CACNA1A: variants seen among roughly 807,000 people sequenced by gnomAD.
CACNA1A encodes the protein voltage-dependent P/Q-type calcium channel subunit alpha-1A.
A neutral mutation model predicts 262.4 loss-of-function variants in CACNA1A; 57 were observed. The observed-to-expected ratio is 0.22, with a 90% CI of 0.18 to 0.27. The LOEUF (loss-of-function observed/expected upper bound fraction) is 0.27, where lower values mean the gene tolerates loss of function less well. Ranked by LOEUF, CACNA1A falls within the 10% of genes least tolerant of loss-of-function variation. The pLI, the probability that CACNA1A is intolerant of heterozygous loss-of-function variation, is 1.00. For synonymous variants in CACNA1A, 1,431 were observed against 1,419.3 expected, an observed-to-expected ratio of 1.01 and a Z score of -0.18; for missense variants, 2,526 against 3,562.8, an observed-to-expected ratio of 0.71 and a Z score of 7.41.
chr19:13,300,276 A>G (rs932033756), intron 18 of CACNA1A, among the ~76,000 whole-genome samples: 10 of 152,042 alleles, frequency 6.6e-5, no homozygotes, highest in African/African-American at 2.2e-4. Context: ...TATCTAATTT[A>G]TTGACTCCTT....
At chr19:13,279,752 T>A (rs1013994377) in intron 22 of CACNA1A, among the ~76,000 whole-genome samples, 1 of 143,490 alleles carries the variant, frequency 7.0e-6, no homozygotes, top group African/African-American at 2.6e-5. Flanking sequence ...CCCAAAGTGC[T>A]GGGATTACAG....
intron 3 of CACNA1A, among the ~76,000 whole-genome samples, chr19:13,420,417 T>A (rs1033026202): frequency 6.6e-6 from 1 of 152,044 alleles, no homozygotes; most frequent in Non-Finnish European, 1.5e-5. Context: ...TAATTAAGGA[T>A]CTTGAGGTGA....
In CACNA1A at chr19:13,402,867, C is replaced by T. The variant is rs1568610952; in HGVS notation, c.540-31088G>A. 2.9e-4 allele frequency among the ~76,000 whole-genome samples: 21 copies of T among 72,490 alleles called. No homozygotes were observed. The East Asian group carries it at 4.5e-3, about 16-fold the overall frequency. 47.6% of individuals were successfully genotyped at this position (72,490 alleles called of 152,430 possible). A position where few individuals can be genotyped will look rare whatever the true frequency, so the allele number is the denominator to read the frequency against. ...ATACACATATATATATACACACACA[C>T]ACACACATATATATATATATATATA... On this transcript the variant is annotated intron_variant, in intron 3 of 46. Transcript: ENST00000360228.
chr19:13,451,045 A>C (rs927669167), intron 3 of CACNA1A: 3 of 152,238 alleles, frequency 2.0e-5, no homozygotes, highest in African/African-American at 7.2e-5. Context: ...AAAAGTGCCC[A>C]GTACCATAAT....
At chr19:13,281,767 G>A (rs565318894) in intron 22 of CACNA1A, among the ~76,000 whole-genome samples, 7 of 152,344 alleles carry the variant, frequency 4.6e-5, no homozygotes, top group Non-Finnish European at 8.8e-5. Context: ...GAACGTTATG[G>A]GGCCACAGTG....
chr19:13,413,738 G>A (rs1448667418), intron 3 of CACNA1A, among the ~76,000 whole-genome samples: 3 of 148,478 alleles, frequency 2.0e-5, no homozygotes, highest in Non-Finnish European at 4.4e-5. Context: ...AAAAATTGCC[G>A]GGTGTGGTGC....
At position 13,245,260 on chromosome 19, in the gene CACNA1A, A is replaced by G. The variant is rs1568457229; in HGVS notation, c.4872T>C (p.Tyr1624=). 6.2e-7 allele frequency: 1 copy of G among 1,613,702 alleles called. No individual in the cohort carries two copies. The highest frequency in any genetic ancestry group is 8.5e-7 in the Non-Finnish European group (1 of 1,179,594). The part of the protein sequence containing the change: ...LKVMAFGILN[Y]FRDAWNIFDF... The stretch of plus-strand genomic sequence containing the variant: ...CGAAGATGTTCCAGGCATCGCGGAA[A>G]TAATTCTAGAATGGGGACCCACAAG... The change falls in exon 31 of 47, where the codon TAT becomes TAC. Residue 1624 remains tyrosine, a synonymous_variant. Coordinates refer to ENST00000360228, the MANE Select transcript of CACNA1A (RefSeq NM_001127222.2).
intron 1 of CACNA1A, among the ~76,000 whole-genome samples, chr19:13,494,247 A>AT (rs1341820404): frequency 6.6e-6 from 1 of 152,194 alleles, no homozygotes. Context: ...GTCTTCAGAG[A>AT]TTTTTTTGTG....
intron 17 of CACNA1A, 118 bp from the exon 18 acceptor site, chr19:13,300,774 G>T (rs146432253): frequency 2.0e-5 from 16 of 811,932 alleles, no homozygotes; most frequent in Non-Finnish European, 3.2e-5. Flanking sequence ...CAGAACCAAG[G>T]CTCCCCAATT....
At chr19:13,242,067 G>A (rs1309091675) in intron 31 of CACNA1A, among the ~76,000 whole-genome samples, 2 of 152,140 alleles carry the variant, frequency 1.3e-5, no homozygotes, top group Non-Finnish European at 2.9e-5. Flanking sequence ...TGCCTGCCAG[G>A]ACATGCCTCT....
At chr19:13,280,664 G>T (rs2144856854) in intron 22 of CACNA1A, among the ~76,000 whole-genome samples, 1 of 152,104 alleles carries the variant, frequency 6.6e-6, no homozygotes, top group Middle Eastern at 3.4e-3. Context: ...TCATTGACCG[G>T]GCGTGGTGGC....
intron 5 of CACNA1A, among the ~76,000 whole-genome samples, chr19:13,360,284 T>C (rs62109124): frequency 2.0e-5 from 3 of 147,886 alleles, no homozygotes; most frequent in South Asian, 2.1e-4. Context: ...TATATATATA[T>C]ATGAAGACAG....
At chr19:13,388,232 A>G (rs899357813) in intron 3 of CACNA1A, among the ~76,000 whole-genome samples, 1 of 118,666 alleles carries the variant, frequency 8.4e-6, no homozygotes, top group African/African-American at 3.2e-5. Flanking sequence ...TGAAAAAACG[A>G]TTTCTTCCTC....
At chr19:13,343,797 C>A (rs756137825) in intron 6 of CACNA1A, among the ~76,000 whole-genome samples, 1 of 152,154 alleles carries the variant, frequency 6.6e-6, no homozygotes, top group Non-Finnish European at 1.5e-5. Context: ...AATAGAGACA[C>A]AACACACCAA....
intron 3 of CACNA1A, among the ~76,000 whole-genome samples, chr19:13,443,287 T>C (rs1461231060): frequency 1.3e-5 from 2 of 152,182 alleles, no homozygotes; most frequent in Non-Finnish European, 2.9e-5. Flanking sequence ...AGTTGCTCCA[T>C]CTGTAAATGG....
chr19:13,493,000 T>A (rs761333611), intron 1 of CACNA1A, among the ~76,000 whole-genome samples: 1 of 151,844 alleles, frequency 6.6e-6, no homozygotes, highest in Non-Finnish European at 1.5e-5. Flanking sequence ...CCAAAGAAAG[T>A]AAGGCACGAT....
intron 29 of CACNA1A, among the ~76,000 whole-genome samples, 179 bp from the exon 30 acceptor site, chr19:13,253,280 CT>C (rs1256736474): frequency 6.7e-6 from 1 of 148,856 alleles, no homozygotes; most frequent in Non-Finnish European, 1.5e-5. Context: ...CTAGGCTCTT[CT>C]TTTCACATCC....
rs74489971 is a variant in CACNA1A, at chr19:13,303,232, T to G, written c.2172+314A>C. 5.6e-3 allele frequency among the ~76,000 whole-genome samples: 855 copies of G among 152,244 alleles called. 11 individuals are homozygous for G. The highest frequency in any genetic ancestry group is 0.02 in the African/African-American group (814 of 41,546). ...CTCTCCCATCCACTAGCCTGGGGGC[T>G]ACACCATTCCTTGGAAACCCTGCTT... On this transcript the variant is annotated intron_variant, in intron 17 of 46. Transcript: ENST00000360228.
chr19:13,456,495 A>G (rs773121597), intron 1 of CACNA1A, among the ~76,000 whole-genome samples: 2 of 151,790 alleles, frequency 1.3e-5, no homozygotes, highest in Non-Finnish European at 2.9e-5. Context: ...ACACGGTGAA[A>G]CCCTATCTCT....
Sources: allele counts gnomAD v4.1 joint callset (sites outside exome capture counted in the v4.1 genomes callset), GRCh38; gene constraint gnomAD v4.1.1; transcripts MANE v1.5; gene names NCBI Gene and HGNC (gene_info 2026-07-23, HGNC 2026-07-21).